The following POLI variants were observed in gnomAD, a reference collection of about 807,000 sequenced individuals.
POLI encodes DNA polymerase iota.
Under a neutral mutation model 51.6 loss-of-function variants are expected in POLI, and 58 were observed. The ratio of observed to expected loss-of-function variants is 1.12; its 90% CI spans 0.91 to 1.40. The LOEUF (loss-of-function observed/expected upper bound fraction) is 1.40, where lower values mean the gene tolerates loss of function less well. Ranked by LOEUF, POLI falls within the 40% of genes most tolerant of loss-of-function variation. POLI has a pLI of 0.00. For missense variants in POLI, 921 were observed against 871.3 expected, an observed-to-expected ratio of 1.06 and a Z score of -0.72; for synonymous variants, 322 against 299.7, an observed-to-expected ratio of 1.07 and a Z score of -0.77.
At chr18:54,315,457 T>C (rs1484424680) in intron 3 of POLI, among the ~76,000 whole-genome samples, 3 of 152,162 alleles carry the variant, frequency 2.0e-5, no homozygotes, top group Admixed American at 6.6e-5. Context: ...GGGTGGAATA[T>C]TCTATAGATG....
chr18:54,271,406 CAT>C lies in POLI; in HGVS notation c.164_165del (p.Ile55SerfsTer39), dbSNP rs2086996367. On this transcript the variant is annotated frameshift_variant, in exon 2 of 10. Coordinates refer to ENST00000579534, the MANE Select transcript of POLI (RefSeq NM_007195.3). LOFTEE classifies it high-confidence loss of function. ...LPTPNASSRV[I>X]VHVDLDCFYA... is the part of the protein sequence containing the mutation. ...CCACACCAAATGCTTCATCCAGAGT[CAT>C]AGTACATGTGGATCTGGATTGCTTT... The C allele has an allele frequency of 1.9e-6, 3 of 1,610,516 alleles. No homozygotes were observed. The highest frequency in any genetic ancestry group is 1.3e-5 in the African/African-American group (1 of 74,836).
At chr18:54,271,770 T>G (rs1467341260) in intron 2 of POLI, among the ~76,000 whole-genome samples, 1 of 152,244 alleles carries the variant, frequency 6.6e-6, no homozygotes, top group Non-Finnish European at 1.5e-5. Context: ...CTGGTCAGAT[T>G]TCTTTTTCTC....
At chr18:54,284,649 C>G (rs936586426) in intron 7 of POLI, 3 of 152,224 alleles carry the variant, frequency 2.0e-5, no homozygotes, top group Non-Finnish European at 2.9e-5. Context: ...ACCCTTGTAT[C>G]TCTTTTGCCT....
At chr18:54,282,644 A>G (rs1222390163) in intron 5 of POLI, among the ~76,000 whole-genome samples, 193 bp from the exon 6 acceptor site, 1 of 152,098 alleles carries the variant, frequency 6.6e-6, no homozygotes, top group African/African-American at 2.4e-5. Flanking sequence ...AGTACTGTAT[A>G]TATAGGGTTT....
chr18:54,273,682 G>T (rs1297005234), intron 2 of POLI, among the ~76,000 whole-genome samples: 1 of 151,976 alleles, frequency 6.6e-6, no homozygotes, highest in African/African-American at 2.4e-5. Flanking sequence ...GATTAAAAGT[G>T]GGGTATGGAA....
In POLI at chr18:54,294,721, T is replaced by C; in HGVS notation, c.*254T>C. 9.4e-7 allele frequency: 1 copy of C among 1,064,994 alleles called. No homozygotes were observed. The highest frequency in any genetic ancestry group is 4.7e-5 in the Admixed American group (1 of 21,176). The allele number at this position is 1,064,994 out of a possible 1,614,324, so 66.0% of individuals were successfully genotyped here. Reference sequence around the variant, plus strand: ...CTTTTCAATAAAAAGAATATCATGGTCAACATAGAATATTTTTCATGAATT... The same window carrying C: ...CTTTTCAATAAAAAGAATATCATGGCCAACATAGAATATTTTTCATGAATT... On this transcript the variant is annotated 3_prime_UTR_variant, in exon 10 of 10. Transcript: ENST00000579534.
rs927689428 is a variant in POLI, at chr18:54,269,715, G to A, written c.115+54G>A. On this transcript the variant is annotated intron_variant, in intron 1 of 9. Transcript: ENST00000579534. ...CTCCTTGGGTGTAAATGAGAAGGGT[G>A]GGGCAGGCGGACGCTCGGGGCGGCG... The A allele has an allele frequency of 4.9e-5, 70 of 1,423,382 alleles. No individual in the cohort carries two copies. In the East Asian group the frequency reaches 1.7e-3, roughly 34 times the overall value. The allele number at this position is 1,423,382 out of a possible 1,614,324, so 88.2% of individuals were successfully genotyped here.
At chr18:54,279,929 T>C (rs746182064) in intron 4 of POLI, among the ~76,000 whole-genome samples, 1 of 152,154 alleles carries the variant, frequency 6.6e-6, no homozygotes, top group Non-Finnish European at 1.5e-5. Context: ...TACTTACGGG[T>C]AAATATGAGT....
chr18:54,277,243 T>A (rs1373366716), intron 3 of POLI, among the ~76,000 whole-genome samples: 1 of 152,230 alleles, frequency 6.6e-6, no homozygotes, highest in African/African-American at 2.4e-5. Flanking sequence ...TTTTATTCAG[T>A]AATAATTGGA....
In POLI at chr18:54,269,533, T is replaced by A. The variant is rs200543419; in HGVS notation, c.-14T>A. 109 of 1,507,054 alleles carry A rather than the reference T, an allele frequency of 7.2e-5. No individual in the cohort carries two copies. Among genetic ancestry groups the A allele is most frequent in the Middle Eastern group, 1.9e-4 (1 of 5,396 alleles). 93.4% of individuals were successfully genotyped at this position (1,507,054 alleles called of 1,614,324 possible). On this transcript the variant is annotated 5_prime_UTR_variant, in exon 1 of 10. The change creates a new upstream start codon in the 5' untranslated region. Transcript: ENST00000579534. ...GAAGCGGCCGGAAGTAGCGCTGCGG[T>A]TGGCAGCGGCGGGATGGAGAAGCTG...
chr18:54,278,250 C>G (rs2087340420), intron 4 of POLI, among the ~76,000 whole-genome samples: 1 of 152,108 alleles, frequency 6.6e-6, no homozygotes, highest in Non-Finnish European at 1.5e-5. Flanking sequence ...TTGCTTGAAC[C>G]CAGGAGTTTG....
chr18:54,286,733 C>G (rs2087763542), intron 7 of POLI, among the ~76,000 whole-genome samples: 1 of 152,068 alleles, frequency 6.6e-6, no homozygotes, highest in Non-Finnish European at 1.5e-5. Flanking sequence ...CACCTGAGGT[C>G]AGGAGTTCGA....
chr18:54,311,948 C>G (rs2088675128), intron 3 of POLI, among the ~76,000 whole-genome samples: 1 of 152,070 alleles, frequency 6.6e-6, no homozygotes, highest in South Asian at 2.1e-4. Context: ...TATTCACTTT[C>G]TTTTTTTAAC....
At chr18:54,283,410 G>C (rs1942161646) in intron 6 of POLI, among the ~76,000 whole-genome samples, 1 of 152,138 alleles carries the variant, frequency 6.6e-6, no homozygotes, top group Admixed American at 6.6e-5. Flanking sequence ...TTTACTGAGT[G>C]CTTTAAATAT....
intron 3 of POLI, among the ~76,000 whole-genome samples, chr18:54,318,838 AATAAAT>A (rs140477294): frequency 0.025 from 3,824 of 152,262 alleles, 68 homozygotes; most frequent in Non-Finnish European, 0.038. Flanking sequence ...TTTCTAAAAA[AATAAAT>A]ATAAATATAA....
At chr18:54,316,532 T>C (rs1568162158) in intron 3 of POLI, among the ~76,000 whole-genome samples, 1 of 152,186 alleles carries the variant, frequency 6.6e-6, no homozygotes. Flanking sequence ...TCTTTTTGAG[T>C]CCACAGAATA....
chr18:54,287,966 A>G (rs1168256933), intron 8 of POLI, among the ~76,000 whole-genome samples: 2 of 152,334 alleles, frequency 1.3e-5, no homozygotes, highest in South Asian at 2.1e-4. Flanking sequence ...CTTTATGGGC[A>G]TTTAGATTGT....
At position 54,293,666 on chromosome 18, in the gene POLI, T is replaced by TA; in HGVS notation, c.1423dup (p.Met475AsnfsTer21). Reference sequence around the variant, plus strand: ...TGTTCTAGAAAATGAAAGACACTCATATGGAAGATTTTCCCAAAGACAAAG... The same window carrying TA: ...TGTTCTAGAAAATGAAAGACACTCATAATGGAAGATTTTCCCAAAGACAAAG... On this transcript the variant is annotated frameshift_variant, in exon 10 of 10. Coordinates refer to ENST00000579534, the MANE Select transcript of POLI (RefSeq NM_007195.3). LOFTEE classifies it low-confidence loss of function (END_TRUNC). The TA allele has an allele frequency of 6.3e-7, 1 of 1,576,362 alleles. No homozygotes were observed. Among genetic ancestry groups the TA allele is most frequent in the Non-Finnish European group, 8.6e-7 (1 of 1,164,222 alleles).
chr18:54,283,045 A>AT, intron 6 of POLI, 30 bp downstream of exon 6: 1 of 1,340,442 alleles, frequency 7.5e-7, no homozygotes, highest in Non-Finnish European at 1.0e-6. Context: ...TTAATTAAGT[A>AT]CTGGTTATCA....
Sources: allele counts gnomAD v4.1 joint callset (sites outside exome capture counted in the v4.1 genomes callset), GRCh38; gene constraint gnomAD v4.1.1; transcripts MANE v1.5; gene names NCBI Gene and HGNC (gene_info 2026-07-23, HGNC 2026-07-21).